Variants in TMEM71 observed in about 807,000 individuals in gnomAD.
TMEM71 encodes transmembrane protein 71.
A neutral mutation model predicts 38.0 loss-of-function variants in TMEM71; 44 were observed. The observed-to-expected ratio is 1.16, with a 90% CI of 0.91 to 1.49. TMEM71 has a LOEUF of 1.49. TMEM71 is among the 40% of genes most tolerant of loss of function. The pLI is 0.00. For missense variants in TMEM71, 367 were observed against 348.6 expected (o/e 1.05, Z -0.42); for synonymous variants, 133 against 122.5 (o/e 1.09, Z -0.56).
At chr8:132,758,653 C>T in intron 2 of TMEM71, 187 bp downstream of exon 2, 2 of 522,260 alleles carry the variant, frequency 3.8e-6, no homozygotes, top group Non-Finnish European at 6.8e-6. Flanking sequence ...AGGAAAAATA[C>T]CACATTTCTT....
intron 7 of TMEM71, among the ~76,000 whole-genome samples, chr8:132,716,463 T>C (rs1446913815): frequency 6.6e-6 from 1 of 152,216 alleles, no homozygotes. Flanking sequence ...CAGTCAGACC[T>C]AACACCCCCT....
At chr8:132,725,929 C>T (rs186797157) in intron 6 of TMEM71, among the ~76,000 whole-genome samples, 1 of 152,314 alleles carries the variant, frequency 6.6e-6, no homozygotes, top group East Asian at 1.9e-4. Flanking sequence ...CAAAGGTTAA[C>T]TTTACCTGTC....
At chr8:132,742,793 C>G (rs1292850786) in intron 5 of TMEM71, among the ~76,000 whole-genome samples, 1 of 152,130 alleles carries the variant, frequency 6.6e-6, no homozygotes, top group Non-Finnish European at 1.5e-5. Context: ...ATGTATTAGT[C>G]CGTTTTCAGG....
the TMEM71 span, among the ~76,000 whole-genome samples, chr8:132,771,470 G>C: frequency 2.0e-4 from 31 of 152,110 alleles, no homozygotes; most frequent in Non-Finnish European, 2.9e-4. Flanking sequence ...TTATTGCCAA[G>C]CCTAAAAGTT....
chr8:132,769,329 G>A, the TMEM71 span, among the ~76,000 whole-genome samples: 1 of 152,136 alleles, frequency 6.6e-6, no homozygotes, highest in Non-Finnish European at 1.5e-5. Flanking sequence ...TTTATATTTA[G>A]CTTCATATTG....
intron 7 of TMEM71, among the ~76,000 whole-genome samples, chr8:132,715,573 C>G (rs970890367): frequency 1.2e-4 from 19 of 152,054 alleles, no homozygotes; most frequent in African/African-American, 4.6e-4. Flanking sequence ...AACAGTTGCA[C>G]CCCTTGGTAT....
At chr8:132,728,359 A>G (rs187083290) in intron 5 of TMEM71, among the ~76,000 whole-genome samples, 1 of 152,220 alleles carries the variant, frequency 6.6e-6, no homozygotes, top group African/African-American at 2.4e-5. Flanking sequence ...TCAAGTGAAA[A>G]GAGAAATCCC....
At chr8:132,746,364 C>T (rs1563753599) in intron 5 of TMEM71, among the ~76,000 whole-genome samples, 3 of 18,622 alleles carry the variant, frequency 1.6e-4, no homozygotes, top group Admixed American at 1.7e-3. Flanking sequence ...AATATACACA[C>T]ACATATATAT....
intron 1 of TMEM71, among the ~76,000 whole-genome samples, chr8:132,759,791 T>G (rs1348428524): frequency 6.6e-6 from 1 of 152,206 alleles, no homozygotes; most frequent in Non-Finnish European, 1.5e-5. Context: ...TTCTACAGCT[T>G]CAAGTTGAAT....
At chr8:132,756,158 G>A (rs552488415) in intron 3 of TMEM71, among the ~76,000 whole-genome samples, 1 of 152,018 alleles carries the variant, frequency 6.6e-6, no homozygotes, top group African/African-American at 2.4e-5. Flanking sequence ...GACAGTCAGA[G>A]AGTCATTAAA....
At position 132,751,872 on chromosome 8, in the gene TMEM71, G is replaced by C. The variant is rs1428027670; in HGVS notation, c.227C>G (p.Thr76Ser). The C allele has an allele frequency of 1.9e-6, 3 of 1,613,934 alleles. No homozygotes were observed. Among genetic ancestry groups the C allele is most frequent in the Non-Finnish European group, 2.5e-6 (3 of 1,180,044 alleles). The change falls in exon 4 of 10, where the codon ACT becomes AGT. Residue 76 changes from threonine to serine, a missense_variant. By Grantham distance (58) the Thr-to-Ser change is moderately conservative (BLOSUM62 1). Coordinates refer to ENST00000677595, the MANE Select transcript of TMEM71 (RefSeq NM_001382403.1). Reference sequence around the variant, plus strand: ...TTTGTCGCACAGGAAGCTGTCTTCAGTCCAAATATAGTAGCCATTGGTGAG... The same window carrying C: ...TTTGTCGCACAGGAAGCTGTCTTCACTCCAAATATAGTAGCCATTGGTGAG... ...RLLTNGYYIW[T>S]EDSFLCDKDG... is the part of the protein sequence containing the mutation.
At chr8:132,714,845 G>T (rs533192602) in intron 7 of TMEM71, among the ~76,000 whole-genome samples, 2 of 152,024 alleles carry the variant, frequency 1.3e-5, no homozygotes, top group Admixed American at 6.6e-5. Context: ...AATATATAAA[G>T]AACTCTCAAA....
chr8:132,762,873 G>A (rs999059782), upstream of TMEM71, among the ~76,000 whole-genome samples: 5 of 152,168 alleles, frequency 3.3e-5, no homozygotes, highest in Non-Finnish European at 7.3e-5. Context: ...TCAACCTCAC[G>A]TAGCCCTAGA....
At chr8:132,763,220 A>G (rs1829324855), upstream of TMEM71, among the ~76,000 whole-genome samples, 1 of 152,160 alleles carries the variant, frequency 6.6e-6, no homozygotes, top group Non-Finnish European at 1.5e-5. Context: ...ACTTTTTACC[A>G]AGGAATATGT....
chr8:132,758,491 C>T lies in TMEM71; in HGVS notation c.40+349G>A, dbSNP rs113381971. On this transcript the variant is annotated intron_variant, in intron 2 of 9. Transcript: ENST00000677595. ...CTTGAAACCACTACCGTTTTAACAGCGCTCTTATTTTCTGCAAGTAGCTAT... is the reference window on the plus strand; with the variant it reads ...CTTGAAACCACTACCGTTTTAACAGTGCTCTTATTTTCTGCAAGTAGCTAT... The T allele has an allele frequency of 5.7e-3, 1,166 of 206,118 alleles. 12 individuals carry two copies. The highest frequency in any genetic ancestry group is 0.026 in the African/African-American group (1,115 of 42,628). The allele number at this position is 206,118 out of a possible 1,614,324, so 12.8% of individuals were successfully genotyped here.
At chr8:132,744,799 C>A (rs1011262940) in intron 5 of TMEM71, among the ~76,000 whole-genome samples, 3 of 152,104 alleles carry the variant, frequency 2.0e-5, no homozygotes, top group Non-Finnish European at 4.4e-5. Flanking sequence ...GCAATAGTAA[C>A]CAAAACAGCA....
chr8:132,757,825 CAAAAAAAAA>C (rs56859505), intron 2 of TMEM71, among the ~76,000 whole-genome samples: 1 of 107,186 alleles, frequency 9.3e-6, no homozygotes, highest in East Asian at 2.5e-4. Context: ...GATTCTGTCT[CAAAAAAAAA>C]AAAAAAAAAA....
Position 132,747,072 on chromosome 8 carries a change from A to C in TMEM71, c.357T>G (p.Ser119=). Residue 119 remains serine, a synonymous_variant, in exon 5 of 10, where the codon TCT becomes TCG. Coordinates refer to ENST00000677595, the MANE Select transcript of TMEM71 (RefSeq NM_001382403.1). ...ATTTGGAGGTACTGAGGTTGAAGAG[A>C]GAAGAAAAGGAATGGCAGATTCTCT... is the stretch of plus-strand genomic sequence containing the variant. ...KKKRICHSFS[S]LFNLSTSKSW... is the part of the protein sequence containing the mutation. 1 of 1,612,046 alleles carries C rather than the reference A, an allele frequency of 6.2e-7. No individual in the cohort carries two copies.
intron 5 of TMEM71, among the ~76,000 whole-genome samples, chr8:132,746,412 C>CATATATAT (rs1307996051): frequency 2.0e-4 from 2 of 10,170 alleles, no homozygotes; most frequent in Admixed American, 4.2e-3. Flanking sequence ...TATATATATA[C>CATATATAT]ACACACATAT....
Sources: allele counts gnomAD v4.1 joint callset (sites outside exome capture counted in the v4.1 genomes callset), GRCh38; gene constraint gnomAD v4.1.1; transcripts MANE v1.5; gene names NCBI Gene and HGNC (gene_info 2026-07-23, HGNC 2026-07-21).